The following MACROD2 variants were observed in gnomAD, a reference collection of about 807,000 sequenced individuals.
MACROD2 encodes ADP-ribose glycohydrolase MACROD2.
Under a neutral mutation model 70.4 loss-of-function variants are expected in MACROD2, and 36 were observed. That is an observed-to-expected ratio of 0.51 (90% CI 0.39 to 0.68). The LOEUF (loss-of-function observed/expected upper bound fraction) is 0.68, where lower values mean the gene tolerates loss of function less well. Ranked by LOEUF, MACROD2 falls within the 30% of genes least tolerant of loss-of-function variation. The pLI is 0.00. For missense variants in MACROD2, 496 were observed against 538.4 expected, an observed-to-expected ratio of 0.92 and a Z score of 0.78; for synonymous variants, 172 against 178.8, an observed-to-expected ratio of 0.96 and a Z score of 0.30.
rs1420560375 is a variant in MACROD2 at position 14,463,974 on chromosome 20, A to G, written c.272-29505A>G. ...AGGATTTTTGCATCAATGTTCATCA[A>G]GGATATTGGTCTAAAATTCTCTTTT... is the stretch of plus-strand genomic sequence containing the variant. On this transcript the variant is annotated intron_variant, in intron 3 of 17. Coordinates refer to ENST00000684519, the MANE Select transcript of MACROD2 (RefSeq NM_001351661.2). Among the ~76,000 whole-genome samples, 3 of 151,630 alleles carry G rather than the reference A, an allele frequency of 2.0e-5. No individual in the cohort carries two copies. In the East Asian group the frequency reaches 5.8e-4, roughly 29 times the overall value.
rs188102263 is a variant in MACROD2 at position 15,930,212 on chromosome 20, C to A, written c.776-3064C>A. Among the ~76,000 whole-genome samples, 34 of 152,216 alleles carry A rather than the reference C, an allele frequency of 2.2e-4. No homozygotes were observed. The East Asian group carries it at 4.8e-3, about 22-fold the overall frequency. ...TACTTAATTTTTCATTGTTTATGTG[C>A]TTCCTGTGACGATAGCTAGACAGAC... On this transcript the variant is annotated intron_variant, in intron 10 of 17. Transcript: ENST00000684519.
At chr20:15,121,742 A>G (rs1415706070) in intron 5 of MACROD2, among the ~76,000 whole-genome samples, 1 of 152,148 alleles carries the variant, frequency 6.6e-6, no homozygotes, top group African/African-American at 2.4e-5. Flanking sequence ...AAAGTCTTCT[A>G]GGTGAATTTG....
chr20:14,085,150 A>G (rs1272085046), intron 2 of MACROD2, among the ~76,000 whole-genome samples: 2 of 80,222 alleles, frequency 2.5e-5, no homozygotes, highest in South Asian at 5.9e-4. Context: ...TGGGCGATAG[A>G]GTGAGATTCC....
At chr20:15,487,257 GA>G (rs765728566) in intron 7 of MACROD2, among the ~76,000 whole-genome samples, 3 of 152,144 alleles carry the variant, frequency 2.0e-5, no homozygotes, top group Non-Finnish European at 4.4e-5. Context: ...AGCACTCTCA[GA>G]AAGTGATCTA....
intron 6 of MACROD2, among the ~76,000 whole-genome samples, chr20:15,230,710 T>C (rs2076952697): frequency 6.6e-6 from 1 of 152,138 alleles, no homozygotes; most frequent in African/African-American, 2.4e-5. Flanking sequence ...TCCTTACCAG[T>C]AGGCTGAGAT....
chr20:15,894,127 C>T, intron 10 of MACROD2: 1 of 363,054 alleles, frequency 2.8e-6, no homozygotes, highest in East Asian at 7.3e-5. Context: ...TTACTTCTCT[C>T]CTAGCAGCAG....
At chr20:14,966,859 A>G (rs2074642182) in intron 5 of MACROD2, among the ~76,000 whole-genome samples, 1 of 152,050 alleles carries the variant, frequency 6.6e-6, no homozygotes, top group Non-Finnish European at 1.5e-5. Context: ...GGGTATTTGA[A>G]TTTTTCCTAT....
intron 5 of MACROD2, among the ~76,000 whole-genome samples, chr20:14,919,985 C>A (rs2074141468): frequency 6.6e-6 from 1 of 152,192 alleles, no homozygotes; most frequent in East Asian, 1.9e-4. Context: ...TCCTCCCACC[C>A]TGCCCCCAGC....
At chr20:14,964,251 G>A (rs2074610521) in intron 5 of MACROD2, among the ~76,000 whole-genome samples, 1 of 152,168 alleles carries the variant, frequency 6.6e-6, no homozygotes, top group Admixed American at 6.5e-5. Context: ...ATTTCCTTCT[G>A]ATTTTGTGTA....
At chr20:15,414,097 A>T in intron 6 of MACROD2, among the ~76,000 whole-genome samples, 1 of 152,186 alleles carries the variant, frequency 6.6e-6, no homozygotes, top group Non-Finnish European at 1.5e-5. Flanking sequence ...AGTACAAAAG[A>T]CTAAAAGTGC....
At chr20:15,220,851 T>A (rs1245799057) in intron 5 of MACROD2, among the ~76,000 whole-genome samples, 1 of 152,176 alleles carries the variant, frequency 6.6e-6, no homozygotes, top group African/African-American at 2.4e-5. Flanking sequence ...ATGGAACAAT[T>A]GCCCTATGCA....
chr20:14,277,323 C>T (rs2082268095), intron 3 of MACROD2, among the ~76,000 whole-genome samples: 1 of 152,196 alleles, frequency 6.6e-6, no homozygotes, highest in African/African-American at 2.4e-5. Flanking sequence ...TGGCACGCAC[C>T]TGTAGTCCCA....
intron 5 of MACROD2, among the ~76,000 whole-genome samples, chr20:14,858,478 A>G (rs1285017499): frequency 2.0e-5 from 3 of 152,198 alleles, no homozygotes; most frequent in Admixed American, 6.5e-5. Flanking sequence ...TTGGATCCAG[A>G]TTACAAACTT....
At chr20:15,594,370 C>A (rs904866878) in intron 8 of MACROD2, among the ~76,000 whole-genome samples, 2 of 152,072 alleles carry the variant, frequency 1.3e-5, no homozygotes, top group African/African-American at 4.8e-5. Flanking sequence ...TCCATGACAG[C>A]CACTTCAATT....
chr20:15,601,862 A>G (rs181235809), intron 8 of MACROD2, among the ~76,000 whole-genome samples: 12 of 152,204 alleles, frequency 7.9e-5, no homozygotes, highest in African/African-American at 2.9e-4. Flanking sequence ...CCCTGTCTCT[A>G]CTAAAAATAC....
intron 5 of MACROD2, among the ~76,000 whole-genome samples, chr20:14,849,638 G>T (rs539227932): frequency 9.2e-5 from 14 of 152,082 alleles, no homozygotes; most frequent in African/African-American, 3.4e-4. Context: ...AAAATTAGCC[G>T]AGTGTGGTGG....
chr20:14,932,817 C>T (rs546680220), intron 5 of MACROD2, among the ~76,000 whole-genome samples: 27 of 152,070 alleles, frequency 1.8e-4, no homozygotes, highest in Admixed American at 2.6e-4. Flanking sequence ...CTGCCCGCCT[C>T]GGCCTCCCAA....
intron 8 of MACROD2, among the ~76,000 whole-genome samples, chr20:15,696,551 G>A (rs988887859): frequency 6.6e-6 from 1 of 152,030 alleles, no homozygotes; most frequent in African/African-American, 2.4e-5. Context: ...GGGTGATGCT[G>A]GCTTCATAGA....
intron 5 of MACROD2, among the ~76,000 whole-genome samples, chr20:15,007,279 G>A (rs2075045851): frequency 6.6e-6 from 1 of 152,058 alleles, no homozygotes; most frequent in South Asian, 2.1e-4. Context: ...CAGGAGAATG[G>A]CGTGAACCTG....
Sources: allele counts gnomAD v4.1 joint callset (sites outside exome capture counted in the v4.1 genomes callset), GRCh38; gene constraint gnomAD v4.1.1; transcripts MANE v1.5; gene names NCBI Gene and HGNC (gene_info 2026-07-23, HGNC 2026-07-21).